Variants in RBFOX1 observed in about 807,000 individuals in gnomAD.
RBFOX1 encodes RNA binding fox-1 homolog 1, also known as RNA binding protein fox-1 homolog 1.
A neutral mutation model predicts 57.7 loss-of-function variants in RBFOX1; 8 were observed. The ratio of observed to expected loss-of-function variants is 0.14; its 90% CI spans 0.08 to 0.25. The LOEUF (loss-of-function observed/expected upper bound fraction) is 0.25, where lower values mean the gene tolerates loss of function less well. Ranked by LOEUF, RBFOX1 falls within the 10% of genes least tolerant of loss-of-function variation. The pLI, the probability that RBFOX1 is intolerant of heterozygous loss-of-function variation, is 1.00. For synonymous variants in RBFOX1, 326 were observed against 222.4 expected (o/e 1.47, Z -4.15); for missense variants, 611 against 548.5 (o/e 1.11, Z -1.14).
intron 4 of RBFOX1, among the ~76,000 whole-genome samples, chr16:7,327,909 G>C (rs1268979625): frequency 6.6e-6 from 1 of 151,960 alleles, no homozygotes; most frequent in Admixed American, 6.6e-5. Context: ...AGGTTGCGAT[G>C]TTGACCGACA....
intron 1 of RBFOX1, among the ~76,000 whole-genome samples, chr16:5,381,984 T>C (rs1032907078): frequency 2.0e-5 from 3 of 152,220 alleles, no homozygotes; most frequent in African/African-American, 7.2e-5. Context: ...CTCTACTCAG[T>C]GGACGTCAGT....
intron 10 of RBFOX1, among the ~76,000 whole-genome samples, chr16:7,624,192 C>A (rs548267755): frequency 5.9e-5 from 9 of 152,254 alleles, no homozygotes; most frequent in African/African-American, 2.2e-4. Context: ...AGTAAATATT[C>A]TTTGGCAAAT....
intron 4 of RBFOX1, among the ~76,000 whole-genome samples, chr16:7,245,186 C>G (rs534293488): frequency 6.6e-4 from 101 of 152,266 alleles, no homozygotes; most frequent in African/African-American, 1.8e-3. Context: ...TAGATCCTAA[C>G]TAAAATAATA....
chr16:7,076,382 C>A (rs1008130178), intron 4 of RBFOX1, among the ~76,000 whole-genome samples: 2 of 151,868 alleles, frequency 1.3e-5, no homozygotes, highest in African/African-American at 4.8e-5. Context: ...TTTATTTTAC[C>A]CGAGTCTTTG....
chr16:6,756,735 G>C (rs12932463), intron 3 of RBFOX1, among the ~76,000 whole-genome samples: 27,123 of 152,026 alleles, frequency 0.18, 2,410 homozygotes, highest in African/African-American at 0.19. Flanking sequence ...ACTTTGGGAG[G>C]CTGAGGCAGG....
At position 7,323,514 on chromosome 16, in the gene RBFOX1, C is replaced by G. The variant is rs139501289; in HGVS notation, c.28-194633C>G. Among the ~76,000 whole-genome samples the G allele has an allele frequency of 2.8e-4, 42 of 152,340 alleles. No homozygotes were observed. The Middle Eastern group carries it at 0.017, about 62-fold the overall frequency. On this transcript the variant is annotated intron_variant, in intron 4 of 15. Transcript: ENST00000550418. ...TCGCATTCAAAAAAAAGAAAGCCTT[C>G]TTATAGTATTGAGCACAAGGGAGTT...
chr16:5,710,560 A>C (rs116624686), intron 3 of RBFOX1, among the ~76,000 whole-genome samples: 1 of 152,170 alleles, frequency 6.6e-6, no homozygotes, highest in Non-Finnish European at 1.5e-5. Context: ...CAGCTTCCCA[A>C]TTAATCTTTT....
At chr16:5,415,988 C>T (rs912730088) in intron 1 of RBFOX1, among the ~76,000 whole-genome samples, 4 of 152,130 alleles carry the variant, frequency 2.6e-5, no homozygotes, top group Non-Finnish European at 4.4e-5. Flanking sequence ...AGCTGTAACG[C>T]AGTGATAGTG....
chr16:5,710,720 C>T (rs992037498), intron 3 of RBFOX1, among the ~76,000 whole-genome samples: 1 of 152,116 alleles, frequency 6.6e-6, no homozygotes, highest in Admixed American at 6.5e-5. Context: ...ACTTTGTGGT[C>T]CGGAACATCT....
At position 6,431,896 on chromosome 16, in the gene RBFOX1, G is replaced by GCTTTCTTT. The variant is rs869041704; in HGVS notation, c.-64+114900_-64+114907dup. Among the ~76,000 whole-genome samples the GCTTTCTTT allele has an allele frequency of 4.7e-3, 605 of 128,146 alleles. 3 individuals carry two copies. The highest frequency in any genetic ancestry group is 5.4e-3 in the Admixed American group (64 of 11,934). The allele number at this position is 128,146 out of a possible 152,430, so 84.1% of individuals were successfully genotyped here. A position where few individuals can be genotyped will look rare whatever the true frequency, so the allele number is the denominator to read the frequency against. ...TGTCCAGAAATATGCTTGCTTGCTTGCTTTCTTTCTTTCTTTCTTTCTTTC... is the reference window on the plus strand; with the variant it reads ...TGTCCAGAAATATGCTTGCTTGCTTGCTTTCTTTCTTTCTTTCTTTCTTTCTTTCTTTC... On this transcript the variant is annotated intron_variant, in intron 2 of 15. Transcript: ENST00000550418.
intron 2 of RBFOX1, among the ~76,000 whole-genome samples, chr16:6,613,977 G>T (rs2098108401): frequency 6.6e-6 from 1 of 152,066 alleles, no homozygotes; most frequent in South Asian, 2.1e-4. Flanking sequence ...TTCAGATACT[G>T]CAATAATTTG....
chr16:5,742,975 C>G (rs930813026), intron 3 of RBFOX1, among the ~76,000 whole-genome samples: 2 of 152,164 alleles, frequency 1.3e-5, no homozygotes, highest in Admixed American at 6.5e-5. Context: ...TGTGCTGGGT[C>G]AGGCAGGAGG....
intron 1 of RBFOX1, among the ~76,000 whole-genome samples, chr16:5,434,786 A>G (rs1030617112): frequency 6.6e-6 from 1 of 152,192 alleles, no homozygotes. Flanking sequence ...GACTTTGCAT[A>G]GTTATATAAC....
At chr16:5,751,224 T>C (rs1025483740) in intron 3 of RBFOX1, among the ~76,000 whole-genome samples, 1 of 152,196 alleles carries the variant, frequency 6.6e-6, no homozygotes, top group Non-Finnish European at 1.5e-5. Context: ...GGTGGAGAGA[T>C]GATGGATTAG....
rs569478393 is a variant in RBFOX1, at chr16:5,946,858, T to C, written c.351+79523T>C. Among the ~76,000 whole-genome samples the C allele has an allele frequency of 6.1e-4, 93 of 152,070 alleles. No individual in the cohort carries two copies. Among genetic ancestry groups the C allele is most frequent in the Non-Finnish European group, 1.2e-3 (80 of 68,026 alleles). On this transcript the variant is annotated intron_variant, in intron 4 of 19. Coordinates refer to the RBFOX1 transcript ENST00000641259. The surrounding 1 kb of genome is among the most constrained non-coding windows in gnomAD (Gnocchi z 4.6). ...ATTTGGAGCATTGCTTGGTGTGAAA[T>C]AAAACCCAACACATATGAGTGTAGA...
intron 3 of RBFOX1, among the ~76,000 whole-genome samples, chr16:7,045,154 C>G (rs1465910344): frequency 6.6e-6 from 1 of 152,126 alleles, no homozygotes; most frequent in Non-Finnish European, 1.5e-5. Flanking sequence ...GTGTATGTCA[C>G]TGGATTGACT....
At chr16:7,115,409 C>A (rs769803193) in intron 4 of RBFOX1, among the ~76,000 whole-genome samples, 3 of 152,150 alleles carry the variant, frequency 2.0e-5, no homozygotes, top group Non-Finnish European at 4.4e-5. Flanking sequence ...AATTCTTTTG[C>A]CTTAGTTACC....
intron 2 of RBFOX1, among the ~76,000 whole-genome samples, chr16:6,419,239 T>C (rs1453482493): frequency 6.6e-6 from 1 of 152,214 alleles, no homozygotes; most frequent in Non-Finnish European, 1.5e-5. Context: ...TCCATGATTT[T>C]TTTCTACTGT....
intron 4 of RBFOX1, among the ~76,000 whole-genome samples, chr16:5,871,718 G>C (rs1374213564): frequency 6.6e-6 from 1 of 152,022 alleles, no homozygotes; most frequent in Non-Finnish European, 1.5e-5. Flanking sequence ...TATAGAAGAG[G>C]ATGTTTGAGG....
Sources: gnomAD v4.1 joint callset for allele counts (sites outside exome capture counted in the v4.1 genomes callset) on GRCh38, gnomAD v4.1.1 for gene constraint, Gnocchi (gnomAD v3.1) non-coding constraint, MANE v1.5 for transcripts, NCBI Gene and HGNC (gene_info 2026-07-23, HGNC 2026-07-21) for gene names.